Variants in SNED1 observed in about 807,000 individuals in gnomAD.
SNED1 encodes sushi, nidogen and EGF like domains 1.
Under a neutral mutation model 166.7 loss-of-function variants are expected in SNED1, and 81 were observed. That is an observed-to-expected ratio of 0.49 (90% CI 0.41 to 0.58). SNED1 has a LOEUF of 0.58. SNED1 is among the 20% of genes least tolerant of loss of function. SNED1 has a pLI of 0.00. For synonymous variants in SNED1, 762 were observed against 822.0 expected (o/e 0.93, Z 1.25); for missense variants, 1,604 against 2,000.2 (o/e 0.80, Z 3.78).
rs187126875 is a variant in SNED1, at chr2:241,069,844, C to T, written c.3308-76C>T. The T allele has an allele frequency of 8.7e-5, 133 of 1,522,790 alleles. No homozygotes were observed. The African/African-American group carries it at 1.7e-3, about 19-fold the overall frequency. 94.3% of individuals were successfully genotyped at this position (1,522,790 alleles called of 1,614,324 possible). ...CCAGCAAGGCTGCGGCAGCCCATGT[C>T]CGGTTCTCAAACCGTGTTCTTGCCA... On this transcript the variant is annotated intron_variant, in intron 23 of 31. Transcript: ENST00000310397. The surrounding 1 kb of genome is among the most constrained non-coding windows in gnomAD (Gnocchi z 4.9).
chr2:241,035,796 TTGGGGATGAGGGGTAGATGGTG>T (rs2061335665), intron 4 of SNED1: 1 of 116,046 alleles, frequency 8.6e-6, no homozygotes, highest in African/African-American at 3.4e-5. Flanking sequence ...CGCCACAGGG[TTGGGGATGAGGGGTAGATGGTG>T]TGGGGATGGG....
At position 241,034,681 on chromosome 2, in the gene SNED1, G is replaced by A. The variant is rs754612113; in HGVS notation, c.756G>A (p.Ala252=). 1.9e-5 allele frequency: 30 copies of A among 1,603,322 alleles called. No homozygotes were observed. Among genetic ancestry groups the A allele is most frequent in the East Asian group, 6.8e-5 (3 of 44,392 alleles). The stretch of plus-strand genomic sequence containing the variant: ...ACGTGGGTGTGCCCGGGCGCTGGGC[G>A]TTCAGAATCGATGATGCCCAGGTGC... The part of the protein sequence containing the change: ...TTNVGVPGRW[A]FRIDDAQVRV... The change falls in exon 4 of 32, where the codon GCG becomes GCA. Residue 252 remains alanine, a synonymous_variant. Coordinates refer to ENST00000310397, the MANE Select transcript of SNED1 (RefSeq NM_001080437.3).
chr2:241,071,815 G>C lies in SNED1; in HGVS notation c.3754G>C (p.Gly1252Arg), dbSNP rs374810934. 4 of 1,600,430 alleles carry C rather than the reference G, an allele frequency of 2.5e-6. No individual in the cohort carries two copies. The highest frequency in any genetic ancestry group is 1.7e-4 in the Middle Eastern group (1 of 6,014). The change falls in exon 26 of 32, where the codon GGC becomes CGC. Residue 1252 changes from glycine (G) to arginine (R), a missense_variant. This residue lies in a region of SNED1 where 367 missense variants were observed against 379.4 expected (regional missense o/e 0.97). Transcript: ENST00000310397. ...CTGCAGGTTCTCGGAGCTTGTGGAC[G>C]GCAGAGGAAGAGTGAGCGCCAGGTT... is the stretch of plus-strand genomic sequence containing the variant. ...QPPRFSELVD[G>R]RGRVSARFGG...
chr2:241,062,982 C>T, intron 17 of SNED1, 78 bp downstream of exon 17: 1 of 933,980 alleles, frequency 1.1e-6, no homozygotes, highest in Non-Finnish European at 1.6e-6. Flanking sequence ...GTCCCCCGGA[C>T]AGGTCTCTGT....
chr2:241,085,791 G>A (rs2063539679), intron 29 of SNED1, among the ~76,000 whole-genome samples: 2 of 151,532 alleles, frequency 1.3e-5, no homozygotes, highest in African/African-American at 4.8e-5. Flanking sequence ...TGTTTTAGGT[G>A]GCTTTGGAGT....
rs1474708782 is a variant in SNED1 at position 241,048,708 on chromosome 2, C to T, written c.1446C>T (p.Gly482=). Residue 482 remains glycine (G), a synonymous_variant, in exon 10 of 32, where the codon GGC becomes GGT. Transcript: ENST00000310397. ...CECRNGGRCL[G]ANTTLCQCPL... ...GCCGCAACGGAGGCAGATGCCTGGGCGCCAACACCACCCTCTGCCAGTGCC... is the reference window on the plus strand; with the variant it reads ...GCCGCAACGGAGGCAGATGCCTGGGTGCCAACACCACCCTCTGCCAGTGCC... 4.3e-6 allele frequency: 7 copies of T among 1,612,794 alleles called. No individual in the cohort carries two copies. In the South Asian group the frequency reaches 5.5e-5, roughly 13 times the overall value.
intron 24 of SNED1, among the ~76,000 whole-genome samples, chr2:241,070,541 A>T (rs1324946855): frequency 6.6e-6 from 1 of 152,192 alleles, no homozygotes; most frequent in Non-Finnish European, 1.5e-5. Flanking sequence ...AGTGGCCTGC[A>T]TTGCAGCCCA....
rs760902963 is a variant in SNED1, at chr2:241,030,412, C to T, written c.342C>T (p.Gly114=). The T allele has an allele frequency of 9.3e-6, 15 of 1,613,042 alleles. No homozygotes were observed. The highest frequency in any genetic ancestry group is 1.3e-5 in the African/African-American group (1 of 74,930). ...CAGATGTGGACAACCGGCGTGCAGGCGACGTGTACTACCGGGAGGCCACCG... is the reference window on the plus strand; with the variant it reads ...CAGATGTGGACAACCGGCGTGCAGGTGACGTGTACTACCGGGAGGCCACCG... ...FWADVDNRRA[G]DVYYREATDP... Residue 114 remains glycine, a synonymous_variant, in exon 2 of 32, where the codon GGC becomes GGT. Transcript: ENST00000310397.
chr2:241,054,655 C>T (rs750004269), intron 16 of SNED1, among the ~76,000 whole-genome samples: 5 of 152,040 alleles, frequency 3.3e-5, no homozygotes, highest in Non-Finnish European at 4.4e-5. Context: ...AAAACAGGAT[C>T]GATAAATTAT....
intron 2 of SNED1, among the ~76,000 whole-genome samples, chr2:241,032,755 T>C (rs760130350): frequency 7.2e-5 from 11 of 152,252 alleles, no homozygotes; most frequent in Non-Finnish European, 1.0e-4. Context: ...TATCTTTAAT[T>C]TCTAGGGGTG....
In SNED1 at chr2:240,999,976, C is replaced by T. The variant is rs1407560555; in HGVS notation, c.213+926C>T. On this transcript the variant is annotated intron_variant, in intron 1 of 31. Coordinates refer to ENST00000310397, the MANE Select transcript of SNED1 (RefSeq NM_001080437.3). This position sits in a 1 kb window ranked among gnomAD's most constrained non-coding sequence, Gnocchi z 5.8. ...ACCACGGCCACCTCCACCATCAGCC[C>T]TCTCATACCCTCGCCCACCTCCAGC... is the stretch of plus-strand genomic sequence containing the variant. Among the ~76,000 whole-genome samples the T allele has an allele frequency of 6.6e-6, 1 of 152,166 alleles. No individual in the cohort carries two copies. Among genetic ancestry groups the T allele is most frequent in the Admixed American group, 6.5e-5 (1 of 15,274 alleles).
chr2:241,043,423 A>T (rs560239255), intron 8 of SNED1, among the ~76,000 whole-genome samples: 1 of 152,316 alleles, frequency 6.6e-6, no homozygotes, highest in South Asian at 2.1e-4. Flanking sequence ...CTACATTTCA[A>T]AAGTTAAGCT....
intron 8 of SNED1, among the ~76,000 whole-genome samples, chr2:241,042,638 G>A (rs2061549374): frequency 6.6e-6 from 1 of 151,826 alleles, no homozygotes; most frequent in Non-Finnish European, 1.5e-5. Flanking sequence ...CTATAATCAA[G>A]ATTGTTGAGG....
intron 15 of SNED1, among the ~76,000 whole-genome samples, chr2:241,052,860 C>T (rs1427103308): frequency 9.5e-6 from 1 of 104,916 alleles, no homozygotes; most frequent in Non-Finnish European, 2.2e-5. Context: ...GGCCGGGGGG[C>T]CGAGCAGGGT....
intron 1 of SNED1, among the ~76,000 whole-genome samples, chr2:241,005,555 T>TTA (rs2060199328): frequency 6.6e-6 from 1 of 152,104 alleles, no homozygotes; most frequent in Non-Finnish European, 1.5e-5. Flanking sequence ...CTTCCTCTAA[T>TTA]ATTTCTTATA....
chr2:241,062,166 G>A (rs544499373), intron 16 of SNED1, among the ~76,000 whole-genome samples: 1 of 152,276 alleles, frequency 6.6e-6, no homozygotes, highest in Non-Finnish European at 1.5e-5. Context: ...AGAAAACCTA[G>A]TTTTTAAAGA....
At chr2:241,027,731 C>CTTTTTTTTTTTTTTT in intron 1 of SNED1, among the ~76,000 whole-genome samples, 1 of 137,288 alleles carries the variant, frequency 7.3e-6, no homozygotes, top group Non-Finnish European at 1.6e-5. Context: ...TTATTTTCTT[C>CTTTTTTTTTTTTTTT]TGTTTTTTTT....
rs752628722 is a variant in SNED1, at chr2:241,040,280, G to C, written c.1160-20G>C. 1.3e-6 allele frequency: 2 copies of C among 1,583,974 alleles called. No homozygotes were observed. Among genetic ancestry groups the C allele is most frequent in the Non-Finnish European group, 1.7e-6 (2 of 1,163,778 alleles). On this transcript the variant is annotated intron_variant, in intron 7 of 31. Transcript: ENST00000310397. ...TTGTGGCCTGGCTCAAGCCAAGCCC[G>C]CACCTCTGCTGCCCCTCAGATGTGG...
chr2:241,070,233 G>A lies in SNED1; in HGVS notation c.3589+32G>A, dbSNP rs552692052. 4 of 1,563,096 alleles carry A rather than the reference G, an allele frequency of 2.6e-6. No homozygotes were observed. The African/African-American group carries it at 4.0e-5, about 16-fold the overall frequency. On this transcript the variant is annotated intron_variant, in intron 24 of 31. Coordinates refer to ENST00000310397, the MANE Select transcript of SNED1 (RefSeq NM_001080437.3). ...GCCGTGGGCCCTGCGCGTGGGCGGG[G>A]CCAGTGTTTGCCAGCCCTCCACCCT... is the stretch of plus-strand genomic sequence containing the variant.
Sources: gnomAD v4.1 joint callset for allele counts (sites outside exome capture counted in the v4.1 genomes callset) on GRCh38, gnomAD v4.1.1 for gene constraint, gnomAD v4.1.1 regional missense constraint, Gnocchi (gnomAD v3.1) non-coding constraint, MANE v1.5 for transcripts, NCBI Gene and HGNC (gene_info 2026-07-23, HGNC 2026-07-21) for gene names.